The following MYO3B variants were observed in gnomAD, a reference collection of about 807,000 sequenced individuals.
MYO3B encodes myosin-IIIb.
MYO3B carries 156 observed loss-of-function variants against 174.6 expected under a neutral mutation model. The observed-to-expected ratio is 0.89, with a 90% CI of 0.78 to 1.02. MYO3B has a LOEUF of 1.02. Among genes scored for constraint, MYO3B ranks in the 50% least tolerant of loss-of-function variants. The probability of loss-of-function intolerance (pLI) is 0.00; values close to 1 mark genes in which losing one functional copy is unlikely to be tolerated. For synonymous variants in MYO3B, 563 were observed against 569.1 expected, an observed-to-expected ratio of 0.99 and a Z score of 0.15; for missense variants, 1,632 against 1,639.4, an observed-to-expected ratio of 1.00 and a Z score of 0.08.
At chr2:170,523,708 G>A (rs996582462) in intron 30 of MYO3B, among the ~76,000 whole-genome samples, 6 of 152,156 alleles carry the variant, frequency 3.9e-5, no homozygotes, top group South Asian at 2.1e-4. Context: ...TTATGGCCAC[G>A]AGGTGGCCAA....
chr2:170,511,108 G>T, intron 28 of MYO3B, among the ~76,000 whole-genome samples: 1 of 146,064 alleles, frequency 6.8e-6, no homozygotes, highest in Non-Finnish European at 1.5e-5. Context: ...CGCCTAGGCT[G>T]GAGTGCAGTG....
chr2:170,269,949 G>A (rs1460613217), intron 7 of MYO3B, among the ~76,000 whole-genome samples: 4 of 152,196 alleles, frequency 2.6e-5, no homozygotes, highest in Non-Finnish European at 4.4e-5. Flanking sequence ...CAAGTATTAG[G>A]AGATAACGAT....
chr2:170,570,191 G>T (rs550038851), intron 32 of MYO3B, among the ~76,000 whole-genome samples: 1 of 152,278 alleles, frequency 6.6e-6, no homozygotes, highest in South Asian at 2.1e-4. Context: ...GTTCTTGGCT[G>T]AAGAAAAAGA....
intron 7 of MYO3B, among the ~76,000 whole-genome samples, chr2:170,274,648 G>GATGGAAT (rs1217083388): frequency 6.6e-6 from 1 of 152,110 alleles, no homozygotes; most frequent in Non-Finnish European, 1.5e-5. Flanking sequence ...CTACTATTTG[G>GATGGAAT]AGTGATGGAA....
intron 32 of MYO3B, among the ~76,000 whole-genome samples, chr2:170,548,476 G>A (rs1690682335): frequency 6.6e-6 from 1 of 152,162 alleles, no homozygotes; most frequent in Non-Finnish European, 1.5e-5. Context: ...GTCGGTCTGA[G>A]GTTCACTTTA....
intron 30 of MYO3B, among the ~76,000 whole-genome samples, chr2:170,538,369 G>C (rs1689862517): frequency 6.6e-6 from 1 of 152,188 alleles, no homozygotes; most frequent in African/African-American, 2.4e-5. Context: ...TTGCAACTCA[G>C]CTCTCCCCAA....
chr2:170,374,120 T>C (rs1332802365), intron 9 of MYO3B, among the ~76,000 whole-genome samples: 1 of 152,196 alleles, frequency 6.6e-6, no homozygotes, highest in Non-Finnish European at 1.5e-5. Flanking sequence ...TTCTCATCTG[T>C]CATCTCAATT....
chr2:170,577,755 G>A (rs1329478752), intron 32 of MYO3B, among the ~76,000 whole-genome samples: 1 of 152,182 alleles, frequency 6.6e-6, no homozygotes, highest in Non-Finnish European at 1.5e-5. Flanking sequence ...AAGCAGAGAA[G>A]CATTTCATTA....
chr2:170,336,539 C>T (rs754875033), intron 8 of MYO3B, among the ~76,000 whole-genome samples: 23 of 152,134 alleles, frequency 1.5e-4, no homozygotes, highest in Non-Finnish European at 2.9e-4. Flanking sequence ...CATTTAGCAG[C>T]AAAACCTAAC....
intron 1 of MYO3B, among the ~76,000 whole-genome samples, chr2:170,198,846 A>G (rs545702230): frequency 1.5e-4 from 23 of 152,098 alleles, no homozygotes; most frequent in African/African-American, 5.5e-4. Context: ...TAGACTTAAC[A>G]GTTTTCAGCC....
At chr2:170,432,885 TC>T (rs2094722835) in intron 22 of MYO3B, among the ~76,000 whole-genome samples, 1 of 152,136 alleles carries the variant, frequency 6.6e-6, no homozygotes, top group South Asian at 2.1e-4. Flanking sequence ...AAAAAAGAAA[TC>T]TTTTGTATAA....
chr2:170,521,531 C>A (rs754756088), intron 30 of MYO3B, among the ~76,000 whole-genome samples: 1 of 152,188 alleles, frequency 6.6e-6, no homozygotes, highest in Non-Finnish European at 1.5e-5. Flanking sequence ...CCGCCCTTCT[C>A]TTCACCTTAG....
At chr2:170,452,508 T>C (rs558394391) in intron 23 of MYO3B, among the ~76,000 whole-genome samples, 1 of 152,320 alleles carries the variant, frequency 6.6e-6, no homozygotes, top group Admixed American at 6.5e-5. Flanking sequence ...TAAGTATGTA[T>C]AGCTTGGATA....
At chr2:170,188,781 T>C (rs2092502893) in intron 1 of MYO3B, among the ~76,000 whole-genome samples, 1 of 152,176 alleles carries the variant, frequency 6.6e-6, no homozygotes, top group Non-Finnish European at 1.5e-5. Context: ...CCTGCTTTTT[T>C]GGCTGTTCAT....
intron 8 of MYO3B, among the ~76,000 whole-genome samples, chr2:170,336,715 G>A (rs1423603776): frequency 6.6e-6 from 1 of 152,168 alleles, no homozygotes; most frequent in East Asian, 1.9e-4. Flanking sequence ...ATAATATACA[G>A]TAAATGTACC....
intron 30 of MYO3B, among the ~76,000 whole-genome samples, chr2:170,536,777 G>A (rs551814754): frequency 2.0e-5 from 3 of 152,246 alleles, no homozygotes; most frequent in South Asian, 4.1e-4. Context: ...TGAATTTACT[G>A]AAACCGTTTC....
rs747686613 is a variant in MYO3B, at chr2:170,383,749, C to G, written c.1225C>G (p.Pro409Ala). The change falls in exon 12 of 35, where the codon CCC (proline) becomes GCC (alanine). Residue 409 changes from proline to alanine, a missense_variant. By Grantham distance (27) the Pro-to-Ala change is conservative (BLOSUM62 -1). Transcript: ENST00000408978. Reference sequence around the variant, plus strand: ...TCATGGGGTGAAACGCGCCTCCAATCCCCCCCACATATTTGCATCAGCAGA... The same window carrying G: ...TCATGGGGTGAAACGCGCCTCCAATGCCCCCCACATATTTGCATCAGCAGA... ...LYHGVKRASN[P>A]PHIFASADAA... 1.2e-6 allele frequency: 2 copies of G among 1,611,756 alleles called. No homozygotes were observed. The highest frequency in any genetic ancestry group is 1.1e-5 in the South Asian group (1 of 91,008).
intron 7 of MYO3B, among the ~76,000 whole-genome samples, chr2:170,310,919 C>T (rs2093734961): frequency 6.6e-6 from 1 of 151,962 alleles, no homozygotes; most frequent in Non-Finnish European, 1.5e-5. Flanking sequence ...ATGTTAGACC[C>T]CCCACTTCCC....
intron 1 of MYO3B, among the ~76,000 whole-genome samples, chr2:170,193,881 T>C (rs995411841): frequency 4.6e-5 from 7 of 152,140 alleles, no homozygotes; most frequent in Non-Finnish European, 1.0e-4. Context: ...CATCAAAAAA[T>C]AAAGAAAAAT....
Sources: allele counts gnomAD v4.1 joint callset (sites outside exome capture counted in the v4.1 genomes callset), GRCh38; gene constraint gnomAD v4.1.1; transcripts MANE v1.5; gene names NCBI Gene and HGNC (gene_info 2026-07-23, HGNC 2026-07-21).